SPATA6L: variants seen among roughly 807,000 people sequenced by gnomAD.
SPATA6L encodes the protein spermatogenesis associated 6 like, also known as spermatogenesis associated 6-like protein.
Under a neutral mutation model 49.2 loss-of-function variants are expected in SPATA6L, and 68 were observed. The observed-to-expected ratio is 1.38, with a 90% CI of 1.14 to 1.69. The LOEUF (loss-of-function observed/expected upper bound fraction) is 1.69, where lower values mean the gene tolerates loss of function less well. Among genes scored for constraint, SPATA6L ranks in the 40% most tolerant of loss-of-function variants. The pLI is 0.00. For missense variants in SPATA6L, 668 were observed against 464.3 expected, an observed-to-expected ratio of 1.44 and a Z score of -4.03; for synonymous variants, 198 against 165.7, an observed-to-expected ratio of 1.19 and a Z score of -1.50.
intron 6 of SPATA6L, among the ~76,000 whole-genome samples, chr9:4,624,840 A>T (rs2130445378): frequency 6.6e-6 from 1 of 152,318 alleles, no homozygotes; most frequent in East Asian, 1.9e-4. Context: ...GGCTTTGAGT[A>T]TCGCACAACA....
intron 9 of SPATA6L, among the ~76,000 whole-genome samples, chr9:4,614,414 G>T (rs116587871): frequency 2.0e-5 from 3 of 152,170 alleles, no homozygotes; most frequent in African/African-American, 4.8e-5. Context: ...GCACCCTTGT[G>T]AACTGGACAC....
chr9:4,656,597 G>C (rs1049712201), intron 2 of SPATA6L, among the ~76,000 whole-genome samples: 1 of 152,102 alleles, frequency 6.6e-6, no homozygotes, highest in Non-Finnish European at 1.5e-5. Context: ...ACCTTTAATA[G>C]GTGTCTGATT....
intron 3 of SPATA6L, among the ~76,000 whole-genome samples, chr9:4,641,389 CATA>C (rs1270990012): frequency 6.6e-6 from 1 of 151,982 alleles, no homozygotes; most frequent in East Asian, 1.9e-4. Flanking sequence ...GTAAAAAGAG[CATA>C]ATAATAAAAC....
chr9:4,622,583 C>T lies in SPATA6L; in HGVS notation c.670-73G>A, dbSNP rs560208479. 24 of 992,930 alleles carry T rather than the reference C, an allele frequency of 2.4e-5. No homozygotes were observed. The African/African-American group carries it at 3.7e-4, about 15-fold the overall frequency. 61.5% of individuals were successfully genotyped at this position (992,930 alleles called of 1,614,324 possible). On this transcript the variant is annotated intron_variant, in intron 6 of 11. Coordinates refer to ENST00000682582, the MANE Select transcript of SPATA6L (RefSeq NM_001353486.2). ...GTACCCTCCCCTCGTTACCGGAATG[C>T]CTGTCTCCCCCTCAATCACTGATTA...
intron 4 of SPATA6L, among the ~76,000 whole-genome samples, chr9:4,631,508 G>A (rs1564222639): frequency 2.6e-5 from 4 of 151,924 alleles, no homozygotes; most frequent in Admixed American, 6.6e-5. Flanking sequence ...TCTAATGGAT[G>A]AGACTAGATA....
intron 3 of SPATA6L, among the ~76,000 whole-genome samples, chr9:4,648,052 C>G (rs1489743742): frequency 6.6e-6 from 1 of 152,100 alleles, no homozygotes; most frequent in Admixed American, 6.6e-5. Flanking sequence ...CCAGGCTGGT[C>G]TCAAACTCTT....
chr9:4,662,360 CG>C lies in SPATA6L; in HGVS notation c.40-325del. 1 of 1,490,862 alleles carries C rather than the reference CG, an allele frequency of 6.7e-7. No homozygotes were observed. The highest frequency in any genetic ancestry group is 8.9e-7 in the Non-Finnish European group (1 of 1,128,140). 92.4% of individuals were successfully genotyped at this position (1,490,862 alleles called of 1,614,324 possible). A position where few individuals can be genotyped will look rare whatever the true frequency, so the allele number is the denominator to read the frequency against. Reference sequence around the variant, plus strand: ...TTTGGTCCGGCCAGGTCCCGGGATCCGGGCCGCCAGCTGCGATGCCAAGTCC... The same window carrying C: ...TTTGGTCCGGCCAGGTCCCGGGATCCGGCCGCCAGCTGCGATGCCAAGTCC... On this transcript the variant is annotated intron_variant, in intron 1 of 11. Transcript: ENST00000682582. The surrounding 1 kb of genome is among the most constrained non-coding windows in gnomAD (Gnocchi z 4.9).
chr9:4,598,534 GA>G lies in SPATA6L; in HGVS notation c.*2276del, dbSNP rs1262554899. Among the ~76,000 whole-genome samples the G allele has an allele frequency of 1.3e-5, 2 of 151,866 alleles. No homozygotes were observed. Among genetic ancestry groups the G allele is most frequent in the South Asian group, 2.1e-4 (1 of 4,818 alleles). On this transcript the variant is annotated 3_prime_UTR_variant, in exon 12 of 12. Coordinates refer to ENST00000682582, the MANE Select transcript of SPATA6L (RefSeq NM_001353486.2). Reference sequence around the variant, plus strand: ...GAGTTAATAGATGCAAAAGTAAAGGGAAAAAAAGCGTAATTTAGTGTGAAAA... The same window carrying G: ...GAGTTAATAGATGCAAAAGTAAAGGGAAAAAAGCGTAATTTAGTGTGAAAA...
At chr9:4,595,649 T>C (rs1452132168), downstream of SPATA6L, among the ~76,000 whole-genome samples, 5 of 152,212 alleles carry the variant, frequency 3.3e-5, no homozygotes, top group African/African-American at 1.2e-4. Context: ...CTACCTGGTC[T>C]GCCTATTTTT....
At chr9:4,644,703 AC>A (rs1834949617) in intron 3 of SPATA6L, among the ~76,000 whole-genome samples, 1 of 151,756 alleles carries the variant, frequency 6.6e-6, no homozygotes. Context: ...ACACACACAC[AC>A]ACACACACAC....
chr9:4,605,569 C>G, intron 9 of SPATA6L, 129 bp from the exon 10 acceptor site: 1 of 622,592 alleles, frequency 1.6e-6, no homozygotes, highest in South Asian at 2.2e-5. Context: ...AAATGGTAAA[C>G]ATAGTGTGAT....
At chr9:4,649,255 T>G (rs1183111799) in intron 3 of SPATA6L, among the ~76,000 whole-genome samples, 1 of 152,228 alleles carries the variant, frequency 6.6e-6, no homozygotes, top group East Asian at 1.9e-4. Context: ...GCAGTGGGAT[T>G]GCTGGATCAA....
chr9:4,660,617 G>C (rs1285025704), intron 2 of SPATA6L, among the ~76,000 whole-genome samples: 1 of 152,244 alleles, frequency 6.6e-6, no homozygotes, highest in Non-Finnish European at 1.5e-5. Context: ...GTGGAAGACA[G>C]TGTGGTGATT....
intron 4 of SPATA6L, among the ~76,000 whole-genome samples, chr9:4,631,265 A>T (rs1831480712): frequency 6.6e-6 from 1 of 152,212 alleles, no homozygotes; most frequent in South Asian, 2.1e-4. Context: ...GTTGGTCAAT[A>T]AAAGGATTTA....
At chr9:4,654,461 T>C (rs1390392396) in intron 3 of SPATA6L, among the ~76,000 whole-genome samples, 1 of 152,088 alleles carries the variant, frequency 6.6e-6, no homozygotes, top group African/African-American at 2.4e-5. Flanking sequence ...GTGGGTGTGT[T>C]TTACAGTTTG....
rs1840850285 is a variant in SPATA6L at position 4,666,236 on chromosome 9, C to A, written c.15G>T (p.Val5=). The change falls in exon 1 of 12, where the codon GTG becomes GTT. Residue 5 remains valine (V), a synonymous_variant. Coordinates refer to ENST00000682582, the MANE Select transcript of SPATA6L (RefSeq NM_001353486.2). MPLE[V]VVELQIRAIS... is the part of the protein sequence containing the mutation. ...CCGCCCGGATCTGCAGCTCCACCAC[C>A]ACCTCCAGAGGCATCGTTCCCTGCG... 3 of 1,614,164 alleles carry A rather than the reference C, an allele frequency of 1.9e-6. No homozygotes were observed. The highest frequency in any genetic ancestry group is 2.5e-6 in the Non-Finnish European group (3 of 1,180,034).
At chr9:4,611,645 T>C (rs1826751318) in intron 9 of SPATA6L, among the ~76,000 whole-genome samples, 2 of 99,528 alleles carry the variant, frequency 2.0e-5, no homozygotes, top group South Asian at 4.0e-4. Context: ...CTGGGGACTG[T>C]TGTGGGGTGG....
intron 13 of SPATA6L, among the ~76,000 whole-genome samples, chr9:4,592,731 C>A (rs1172313405): frequency 1.3e-5 from 2 of 152,178 alleles, no homozygotes. Context: ...TGTATACTTA[C>A]AAATTTGCTA....
intron 3 of SPATA6L, among the ~76,000 whole-genome samples, chr9:4,652,289 G>A (rs1837085654): frequency 6.6e-6 from 1 of 152,126 alleles, no homozygotes; most frequent in African/African-American, 2.4e-5. Flanking sequence ...GGGTGTGGTG[G>A]TGCATGCCTG....
Sources: allele counts gnomAD v4.1 joint callset (sites outside exome capture counted in the v4.1 genomes callset), GRCh38; gene constraint gnomAD v4.1.1; non-coding constraint Gnocchi (gnomAD v3.1); transcripts MANE v1.5; gene names NCBI Gene and HGNC (gene_info 2026-07-23, HGNC 2026-07-21).